Variants in RMDN3 observed in about 807,000 individuals in gnomAD.
RMDN3 encodes the protein regulator of microtubule dynamics protein 3.
In RMDN3, 41 loss-of-function variants were observed where a neutral mutation model predicts 61.8. The ratio of observed to expected loss-of-function variants is 0.66; its 90% CI spans 0.52 to 0.86. RMDN3 has a LOEUF of 0.86. RMDN3 is among the 40% of genes least tolerant of loss of function. RMDN3 has a pLI of 0.00. For synonymous variants in RMDN3, 247 were observed against 232.0 expected, an observed-to-expected ratio of 1.06 and a Z score of -0.59; for missense variants, 557 against 585.3, an observed-to-expected ratio of 0.95 and a Z score of 0.50.
In RMDN3 at chr15:40,754,655, G is replaced by A. The variant is rs1897964402; in HGVS notation, c.129C>T (p.Arg43=). 1 of 1,614,142 alleles carries A rather than the reference G, an allele frequency of 6.2e-7. No homozygotes were observed. Among genetic ancestry groups the A allele is most frequent in the Non-Finnish European group, 8.5e-7 (1 of 1,180,016 alleles). The stretch of plus-strand genomic sequence containing the variant: ...CCAGGGAGTTGGGCAGGCTCTGGCT[G>A]CGGCCATGACGCTGGGTCCGTTTCC... ...QRWKRTQRHG[R]SQSLPNSLDY... is the part of the protein sequence containing the mutation. Residue 43 remains arginine (R), a synonymous_variant, in exon 2 of 13, where the codon CGC becomes CGT. Coordinates refer to ENST00000338376, the MANE Select transcript of RMDN3 (RefSeq NM_018145.3).
At chr15:40,738,807 T>C in intron 7 of RMDN3, 1 of 565,224 alleles carries the variant, frequency 1.8e-6, no homozygotes, top group South Asian at 2.2e-5. Context: ...GTATTCTAGG[T>C]ATAAAAAAAG....
chr15:40,750,055 A>T (rs563626852), intron 4 of RMDN3, among the ~76,000 whole-genome samples: 1 of 151,810 alleles, frequency 6.6e-6, no homozygotes, highest in Non-Finnish European at 1.5e-5. Context: ...AATTCCTATC[A>T]CCTAGTATTT....
chr15:40,752,498 C>A (rs3784287), intron 2 of RMDN3, among the ~76,000 whole-genome samples: 6,811 of 51,916 alleles, frequency 0.13, 246 homozygotes, highest in East Asian at 0.44. Flanking sequence ...TAAAAAAAAA[C>A]AAAAACCTTC....
chr15:40,742,707 C>G (rs1481853777), intron 6 of RMDN3, among the ~76,000 whole-genome samples: 2 of 152,172 alleles, frequency 1.3e-5, no homozygotes, highest in East Asian at 3.8e-4. Context: ...GCTCAGGAGG[C>G]CAGACCAACC....
chr15:40,742,927 A>G (rs764754261), intron 6 of RMDN3, among the ~76,000 whole-genome samples: 48 of 152,220 alleles, frequency 3.2e-4, no homozygotes, highest in Middle Eastern at 3.2e-3. Flanking sequence ...ATAAATAAGC[A>G]TCTTTTGTTA....
chr15:40,754,752 C>T lies in RMDN3; in HGVS notation c.32G>A (p.Arg11His). ...ACCCAGCAACAGTCCCAGCCCGGCACGGGCACCACCCAGGGCTCCCAGTCT... is the reference window on the plus strand; with the variant it reads ...ACCCAGCAACAGTCCCAGCCCGGCATGGGCACCACCCAGGGCTCCCAGTCT... MSRLGALGGA[R>H]AGLGLLLGTA... The change falls in exon 2 of 13, where the codon CGT (arginine) becomes CAT (histidine). Residue 11 changes from arginine (R) to histidine (H), a missense_variant. Transcript: ENST00000338376. 2 of 1,586,840 alleles carry T rather than the reference C, an allele frequency of 1.3e-6. No individual in the cohort carries two copies. The highest frequency in any genetic ancestry group is 1.7e-6 in the Non-Finnish European group (2 of 1,161,642).
chr15:40,752,352 G>A (rs1341925022), intron 2 of RMDN3, among the ~76,000 whole-genome samples, 174 bp from the exon 3 acceptor site: 1 of 152,108 alleles, frequency 6.6e-6, no homozygotes, highest in Non-Finnish European at 1.5e-5. Context: ...ACTACCCAGG[G>A]ATCTCTAAAC....
intron 6 of RMDN3, among the ~76,000 whole-genome samples, chr15:40,741,599 G>C (rs1391757076): frequency 7.1e-6 from 1 of 140,504 alleles, no homozygotes; most frequent in Non-Finnish European, 1.5e-5. Context: ...CTATGCACTG[G>C]AGAAGACACT....
Position 40,740,169 on chromosome 15 carries a change from A to C in RMDN3, c.935T>G (p.Leu312Arg). Residue 312 changes from leucine (L) to arginine (R), a missense_variant, in exon 7 of 13, where the codon CTG (leucine) becomes CGG (arginine). Transcript: ENST00000338376. Reference protein sequence around the residue: ...LDGKEEAEAALEKGDESADCH... With the variant: ...LDGKEEAEAAREKGDESADCH... The stretch of plus-strand genomic sequence containing the variant: ...GTCAGCACTCTCATCCCCCTTCTCC[A>C]GAGCAGCCTCTGCTTCTTCTTTTCC... 6.2e-7 allele frequency: 1 copy of C among 1,612,370 alleles called. No homozygotes were observed. The highest frequency in any genetic ancestry group is 8.5e-7 in the Non-Finnish European group (1 of 1,178,800).
intron 8 of RMDN3, 67 bp from the exon 9 acceptor site, chr15:40,738,109 G>A (rs1266437622): frequency 1.9e-5 from 29 of 1,494,234 alleles, no homozygotes; most frequent in South Asian, 1.1e-4. Context: ...GGCAAGGGCC[G>A]GATGCAGTGG....
At chr15:40,740,402 T>C (rs1897234363) in intron 6 of RMDN3, among the ~76,000 whole-genome samples, 2 of 152,192 alleles carry the variant, frequency 1.3e-5, no homozygotes, top group South Asian at 4.1e-4. Context: ...TCCCAGCACT[T>C]TGGGAGGCTG....
Position 40,745,004 on chromosome 15 carries a change from G to A in RMDN3, c.780C>T (p.Phe260=), listed in dbSNP as rs1399710149. 2.5e-6 allele frequency: 4 copies of A among 1,607,664 alleles called. No individual in the cohort carries two copies. In the East Asian group the frequency reaches 8.9e-5, roughly 36 times the overall value. Residue 260 remains phenylalanine, a synonymous_variant, in exon 5 of 13, where the codon TTC becomes TTT. Coordinates refer to ENST00000338376, the MANE Select transcript of RMDN3 (RefSeq NM_018145.3). ...CCAGCTTGTTGTTGAGCAGCAGCTGGAAGCCCTCCCGCTTGCCTTGCTCAT... is the reference window on the plus strand; with the variant it reads ...CCAGCTTGTTGTTGAGCAGCAGCTGAAAGCCCTCCCGCTTGCCTTGCTCAT... ...RGDEQGKREG[F]QLLLNNKLVY... is the part of the protein sequence containing the mutation.
chr15:40,749,613 ACAGAGTT>A (rs1206924015), intron 4 of RMDN3, among the ~76,000 whole-genome samples: 5 of 152,214 alleles, frequency 3.3e-5, no homozygotes, highest in Admixed American at 3.3e-4. Context: ...CAACCTCCTT[ACAGAGTT>A]CAAACATCAA....
Position 40,736,022 on chromosome 15 carries a change from A to G in RMDN3, c.*519T>C, listed in dbSNP as rs1897025259. ...GCTGCCAGGACACTGGAAGTTATCA[A>G]GTGGTCCAGCCCAGGAATACAGGTA... On this transcript the variant is annotated 3_prime_UTR_variant, in exon 13 of 13. Transcript: ENST00000338376. The G allele has an allele frequency of 6.6e-6, 1 of 152,648 alleles. No homozygotes were observed. Among genetic ancestry groups the G allele is most frequent in the South Asian group, 2.1e-4 (1 of 4,840 alleles). The allele number at this position is 152,648 out of a possible 1,614,324, so 9.5% of individuals were successfully genotyped here.
intron 6 of RMDN3, among the ~76,000 whole-genome samples, chr15:40,740,985 G>A (rs902180797): frequency 3.9e-5 from 6 of 151,986 alleles, no homozygotes; most frequent in African/African-American, 1.2e-4. Flanking sequence ...CCAGGAGGCT[G>A]AGGCAGGAGA....
chr15:40,744,841 C>A, intron 5 of RMDN3, 136 bp downstream of exon 5: 2 of 967,226 alleles, frequency 2.1e-6, no homozygotes, highest in Non-Finnish European at 3.0e-6. Context: ...GATGCAAAAC[C>A]AGCTGTCTCA....
At chr15:40,737,764 A>T in intron 9 of RMDN3, 38 bp from the exon 10 acceptor site, 4 of 1,595,744 alleles carry the variant, frequency 2.5e-6, no homozygotes, top group Non-Finnish European at 3.4e-6. Context: ...AAGAGGTTTT[A>T]AAAGGTTTTT....
intron 2 of RMDN3, among the ~76,000 whole-genome samples, 185 bp from the exon 3 acceptor site, chr15:40,752,363 G>A (rs891362089): frequency 1.3e-5 from 2 of 152,206 alleles, no homozygotes; most frequent in African/African-American, 4.8e-5. Flanking sequence ...ATCTCTAAAC[G>A]AGAGCCCTCT....
intron 4 of RMDN3, among the ~76,000 whole-genome samples, chr15:40,750,756 C>T (rs1415821211): frequency 6.6e-6 from 1 of 152,246 alleles, no homozygotes; most frequent in Non-Finnish European, 1.5e-5. Flanking sequence ...CTAGGCCTCA[C>T]ACAGGCTACC....
Sources: gnomAD v4.1 joint callset for allele counts (sites outside exome capture counted in the v4.1 genomes callset) on GRCh38, gnomAD v4.1.1 for gene constraint, MANE v1.5 for transcripts, NCBI Gene and HGNC (gene_info 2026-07-23, HGNC 2026-07-21) for gene names.